SLC25A26: variants seen among roughly 807,000 people sequenced by gnomAD.
SLC25A26 encodes the protein solute carrier family 25 member 26, also known as mitochondrial S-adenosylmethionine carrier protein.
Under a neutral mutation model 37.8 loss-of-function variants are expected in SLC25A26, and 36 were observed. The observed-to-expected ratio is 0.95, with a 90% confidence interval of 0.73 to 1.26. The LOEUF is 1.26. SLC25A26 is among the 50% of genes most tolerant of loss of function. The pLI, the probability that SLC25A26 is intolerant of heterozygous loss-of-function variation, is 0.00. For missense variants in SLC25A26, 390 were observed against 331.1 expected, an observed-to-expected ratio of 1.18 and a Z score of -1.38; for synonymous variants, 129 against 122.5, an observed-to-expected ratio of 1.05 and a Z score of -0.35.
At chr3:66,291,093 T>G (rs139609914) in intron 5 of SLC25A26, among the ~76,000 whole-genome samples, 12 of 152,344 alleles carry the variant, frequency 7.9e-5, no homozygotes, top group Non-Finnish European at 1.6e-4. Flanking sequence ...TTTTCTTGTT[T>G]ATTTGCATAG....
At chr3:66,256,464 AAATAAT>A (rs1373662457) in intron 3 of SLC25A26, among the ~76,000 whole-genome samples, 1 of 152,162 alleles carries the variant, frequency 6.6e-6, no homozygotes, top group East Asian at 1.9e-4. Context: ...AAAACTTGTG[AAATAAT>A]AATAAATGTG....
intron 5 of SLC25A26, among the ~76,000 whole-genome samples, chr3:66,303,170 A>C (rs551097074): frequency 6.6e-6 from 1 of 152,320 alleles, no homozygotes; most frequent in South Asian, 2.1e-4. Context: ...TAGTCTTTGA[A>C]TCCTTTGAAA....
chr3:66,179,790 T>C (rs990663570), intron 1 of SLC25A26, among the ~76,000 whole-genome samples: 1 of 152,206 alleles, frequency 6.6e-6, no homozygotes, highest in Non-Finnish European at 1.5e-5. Flanking sequence ...TTTGGAGTCT[T>C]GTGCATGGCT....
intron 5 of SLC25A26, among the ~76,000 whole-genome samples, chr3:66,319,917 C>G (rs558576190): frequency 2.3e-4 from 35 of 151,944 alleles, no homozygotes; most frequent in African/African-American, 7.7e-4. Context: ...CCACGCCTGG[C>G]TAATTTTTTA....
intron 6 of SLC25A26, among the ~76,000 whole-genome samples, chr3:66,361,812 C>G (rs567463217): frequency 5.9e-5 from 9 of 152,088 alleles, no homozygotes; most frequent in Middle Eastern, 3.4e-3. Context: ...ACTAAAAATA[C>G]AAAAATTAGC....
chr3:66,378,796 C>A lies in SLC25A26; in HGVS notation c.*989C>A, dbSNP rs1345574706. On this transcript the variant is annotated 3_prime_UTR_variant, in exon 10 of 10. Coordinates refer to ENST00000354883, the MANE Select transcript of SLC25A26 (RefSeq NM_001379210.1). ...TGTAAAAGAAGGACCACCAACTATA[C>A]TGACATTTATAAATGAACCTTTATT... 1 of 152,552 alleles carries A rather than the reference C, an allele frequency of 6.6e-6. No homozygotes were observed. Among genetic ancestry groups the A allele is most frequent in the African/African-American group, 2.4e-5 (1 of 41,416 alleles). 9.4% of individuals were successfully genotyped at this position (152,552 alleles called of 1,614,324 possible). A position where few individuals can be genotyped will look rare whatever the true frequency, so the allele number is the denominator to read the frequency against.
At chr3:66,356,839 G>A (rs1183064918) in intron 6 of SLC25A26, among the ~76,000 whole-genome samples, 1 of 152,012 alleles carries the variant, frequency 6.6e-6, no homozygotes, top group Non-Finnish European at 1.5e-5. Flanking sequence ...GTGTTGCTCA[G>A]GCTGGTCTCA....
chr3:66,286,659 C>T (rs968399667), intron 5 of SLC25A26, among the ~76,000 whole-genome samples: 2 of 151,960 alleles, frequency 1.3e-5, no homozygotes, highest in Admixed American at 6.6e-5. Context: ...TTTTCTGAGA[C>T]CTTTCCCTTC....
chr3:66,204,636 C>T (rs1327104953), intron 1 of SLC25A26, among the ~76,000 whole-genome samples: 8 of 152,068 alleles, frequency 5.3e-5, no homozygotes, highest in Non-Finnish European at 7.4e-5. Context: ...TCTTGTTCAT[C>T]TATATTCCTA....
chr3:66,311,624 A>G (rs1317748250), intron 5 of SLC25A26, among the ~76,000 whole-genome samples: 1 of 151,710 alleles, frequency 6.6e-6, no homozygotes, highest in South Asian at 2.1e-4. Flanking sequence ...ATCTTCATGG[A>G]TTTGTCTGCC....
chr3:66,354,404 C>T (rs1474765010), intron 6 of SLC25A26, among the ~76,000 whole-genome samples: 1 of 152,150 alleles, frequency 6.6e-6, no homozygotes, highest in Non-Finnish European at 1.5e-5. Flanking sequence ...ATAGCTTTGT[C>T]ATAGAAATCA....
At chr3:66,264,910 T>G (rs1460583671) in intron 5 of SLC25A26, among the ~76,000 whole-genome samples, 4 of 152,200 alleles carry the variant, frequency 2.6e-5, no homozygotes, top group South Asian at 4.1e-4. Context: ...CTCTTTGCCT[T>G]CTAACTCTAA....
At chr3:66,141,303 A>G (rs1217542672) in intron 1 of SLC25A26, among the ~76,000 whole-genome samples, 1 of 151,636 alleles carries the variant, frequency 6.6e-6, no homozygotes, top group African/African-American at 2.4e-5. Context: ...CTTGCTGCAT[A>G]TGTGGTCTGG....
intron 1 of SLC25A26, among the ~76,000 whole-genome samples, chr3:66,199,651 A>T (rs1372453054): frequency 6.6e-6 from 1 of 151,938 alleles, no homozygotes; most frequent in Non-Finnish European, 1.5e-5. Flanking sequence ...CTTTACCTTC[A>T]TTGTGACACT....
intron 1 of SLC25A26, among the ~76,000 whole-genome samples, chr3:66,154,016 G>C (rs554497746): frequency 2.0e-5 from 3 of 152,296 alleles, no homozygotes; most frequent in African/African-American, 7.2e-5. Flanking sequence ...GTCCTTTCAC[G>C]TAATCGTGAG....
At chr3:66,325,892 A>C (rs2075824869) in intron 5 of SLC25A26, among the ~76,000 whole-genome samples, 1 of 152,172 alleles carries the variant, frequency 6.6e-6, no homozygotes, top group East Asian at 1.9e-4. Context: ...TGGAGAATGG[A>C]TCGTGGTAGG....
At chr3:66,194,280 C>G (rs1412347054) in intron 1 of SLC25A26, among the ~76,000 whole-genome samples, 1 of 152,094 alleles carries the variant, frequency 6.6e-6, no homozygotes, top group African/African-American at 2.4e-5. Context: ...GAAGTTTTTC[C>G]TTGCTGGAAA....
At chr3:66,139,998 A>C (rs1280646514) in intron 1 of SLC25A26, among the ~76,000 whole-genome samples, 1 of 152,244 alleles carries the variant, frequency 6.6e-6, no homozygotes, top group Non-Finnish European at 1.5e-5. Context: ...GTTTAAGCAC[A>C]TCAAGAAAGG....
At chr3:66,254,170 G>C (rs1174490185) in intron 3 of SLC25A26, among the ~76,000 whole-genome samples, 1 of 152,194 alleles carries the variant, frequency 6.6e-6, no homozygotes, top group Non-Finnish European at 1.5e-5. Flanking sequence ...TGTAAGTTAG[G>C]ATTTGTAAAT....
Sources: allele counts gnomAD v4.1 joint callset (sites outside exome capture counted in the v4.1 genomes callset), GRCh38; gene constraint gnomAD v4.1.1; transcripts MANE v1.5; gene names NCBI Gene and HGNC (gene_info 2026-07-23, HGNC 2026-07-21).